MTCL2: variants seen among roughly 807,000 people sequenced by gnomAD.
MTCL2 encodes the protein microtubule crosslinking factor 2.
the MTCL2 span, chr20:36,782,187 T>G: frequency 5.3e-5 from 8 of 152,192 alleles, no homozygotes; most frequent in African/African-American, 7.2e-5. Context: ...CCCAGGAATC[T>G]ACATTCTGAA....
chr20:36,839,085 G>A, the MTCL2 span: 1 of 759,674 alleles, frequency 1.3e-6, no homozygotes, highest in Non-Finnish European at 2.1e-6. This position sits in a 1 kb window ranked among gnomAD's most constrained non-coding sequence, Gnocchi z 5.1. Context: ...CTACTTAGAT[G>A]AGGAAACTGA....
the MTCL2 span, among the ~76,000 whole-genome samples, chr20:36,807,736 T>A: frequency 1.3e-5 from 2 of 151,922 alleles, no homozygotes; most frequent in African/African-American, 4.8e-5. Context: ...TCTTGTTAAG[T>A]AAACATATCT....
At chr20:36,808,280 C>T in the MTCL2 span, among the ~76,000 whole-genome samples, 12 of 150,292 alleles carry the variant, frequency 8.0e-5, no homozygotes, top group Admixed American at 2.0e-4. Context: ...TGCTTGAACC[C>T]GGGAGATGGA....
At chr20:36,805,906 C>T in the MTCL2 span, 16 of 1,613,550 alleles carry the variant, frequency 9.9e-6, 1 homozygote, top group Middle Eastern at 1.6e-4. Flanking sequence ...GAATGCTGAG[C>T]GTTTATCTCC....
chr20:36,831,950 T>A, the MTCL2 span, among the ~76,000 whole-genome samples: 1 of 152,158 alleles, frequency 6.6e-6, no homozygotes, highest in East Asian at 1.9e-4. Context: ...ACTAACTCAC[T>A]CACTCACTCA....
the MTCL2 span, among the ~76,000 whole-genome samples, chr20:36,846,582 T>C: frequency 6.6e-6 from 1 of 152,214 alleles, no homozygotes; most frequent in African/African-American, 2.4e-5. Context: ...TTTCTATCTC[T>C]TCCACCGGTT....
the MTCL2 span, among the ~76,000 whole-genome samples, chr20:36,828,397 T>C: frequency 6.6e-6 from 1 of 152,146 alleles, no homozygotes; most frequent in African/African-American, 2.4e-5. Context: ...AGCATGAAAA[T>C]GTTTGAGATA....
At chr20:36,806,521 C>T in the MTCL2 span, among the ~76,000 whole-genome samples, 1 of 151,762 alleles carries the variant, frequency 6.6e-6, no homozygotes, top group Admixed American at 6.6e-5. Context: ...TTTTCTGTGT[C>T]TCTTTATTTT....
At chr20:36,833,119 G>A in the MTCL2 span, among the ~76,000 whole-genome samples, 1 of 152,196 alleles carries the variant, frequency 6.6e-6, no homozygotes, top group African/African-American at 2.4e-5. Context: ...ATAGAACTAA[G>A]GTTTGAAATC....
chr20:36,810,711 T>TCTCTCC, the MTCL2 span, among the ~76,000 whole-genome samples: 8 of 130,976 alleles, frequency 6.1e-5, no homozygotes, highest in East Asian at 8.4e-4. Flanking sequence ...CCTCCTTCTC[T>TCTCTCC]CTCTCCCTCT....
the MTCL2 span, among the ~76,000 whole-genome samples, chr20:36,849,305 C>T: frequency 3.3e-5 from 5 of 151,846 alleles, no homozygotes; most frequent in East Asian, 1.9e-4. Flanking sequence ...GTAATCCACC[C>T]GCCTCGGCCT....
chr20:36,862,904 C>T, the MTCL2 span: 6 of 1,267,952 alleles, frequency 4.7e-6, no homozygotes, highest in Non-Finnish European at 5.0e-6. Context: ...GGCCCCCGGC[C>T]GCGGACTCGG....
At chr20:36,837,103 G>T in the MTCL2 span, among the ~76,000 whole-genome samples, 1 of 152,164 alleles carries the variant, frequency 6.6e-6, no homozygotes, top group Admixed American at 6.5e-5. Context: ...GCCATCTTCT[G>T]CCACCTTCCT....
chr20:36,862,523 G>A, the MTCL2 span: 1 of 798,956 alleles, frequency 1.3e-6, no homozygotes, highest in Non-Finnish European at 1.7e-6. Context: ...ATCCACCTCA[G>A]AGTGGTCCCC....
At chr20:36,793,933 G>T in the MTCL2 span, 3 of 1,551,518 alleles carry the variant, frequency 1.9e-6, no homozygotes, top group Non-Finnish European at 2.6e-6. The surrounding 1 kb of genome is among the most constrained non-coding windows in gnomAD (Gnocchi z 6.8). Flanking sequence ...TGACCGTGCG[G>T]ATGGTCTGTG....
the MTCL2 span, chr20:36,862,825 C>A: frequency 3.0e-5 from 40 of 1,328,906 alleles, no homozygotes; most frequent in Non-Finnish European, 3.8e-5. Context: ...TCCGGGGAGG[C>A]GGGCGGCCGC....
At chr20:36,843,965 C>T in the MTCL2 span, among the ~76,000 whole-genome samples, 2 of 152,202 alleles carry the variant, frequency 1.3e-5, no homozygotes, top group Non-Finnish European at 2.9e-5. Flanking sequence ...AGGTCGGGCA[C>T]GATGGCTCAC....
the MTCL2 span, chr20:36,829,268 C>A: frequency 6.6e-7 from 1 of 1,510,928 alleles, no homozygotes; most frequent in South Asian, 1.3e-5. Context: ...GCCCCCACTG[C>A]AAGTCCCACT....
the MTCL2 span, among the ~76,000 whole-genome samples, chr20:36,855,262 C>G: frequency 1.3e-5 from 2 of 152,178 alleles, no homozygotes; most frequent in Non-Finnish European, 2.9e-5. Context: ...ATGACGAGAC[C>G]GAGGCTCAGA....
Sources: allele counts gnomAD v4.1 joint callset (sites outside exome capture counted in the v4.1 genomes callset), GRCh38; gene constraint gnomAD v4.1.1; non-coding constraint Gnocchi (gnomAD v3.1); transcripts MANE v1.5; gene names NCBI Gene and HGNC (gene_info 2026-07-23, HGNC 2026-07-21).